The following AJAP1 variants were observed in gnomAD, a reference collection of about 807,000 sequenced individuals.
AJAP1 encodes the protein adherens junction-associated protein 1.
In AJAP1, 5 loss-of-function variants were observed where a neutral mutation model predicts 35.0. That is an observed-to-expected ratio of 0.14 (90% confidence interval 0.07 to 0.30). The LOEUF (loss-of-function observed/expected upper bound fraction) is 0.30, where lower values mean the gene tolerates loss of function less well. Among genes scored for constraint, AJAP1 ranks in the 10% least tolerant of loss-of-function variants. AJAP1 has a pLI of 1.00. For synonymous variants in AJAP1, 284 were observed against 249.3 expected (o/e 1.14, Z -1.31); for missense variants, 586 against 571.0 (o/e 1.03, Z -0.27).
At position 4,655,398 on chromosome 1, in the gene AJAP1, C is replaced by T. The variant is rs201338434; in HGVS notation, c.-28C>T. ...CGCAGATGGCCTGGGCGAGCCAGGT[C>T]TGAGGCCCCGCTCCCCGAAACGTGA... On this transcript the variant is annotated 5_prime_UTR_variant, in exon 1 of 6. Transcript: ENST00000378191. This position sits in a 1 kb window ranked among gnomAD's most constrained non-coding sequence, Gnocchi z 6.9. 5.2e-4 allele frequency: 812 copies of T among 1,553,776 alleles called. 5 individuals are homozygous for T. Among genetic ancestry groups the T allele is most frequent in the South Asian group, 4.7e-3 (406 of 86,270 alleles).
At chr1:4,750,534 G>T (rs1641298846) in intron 2 of AJAP1, among the ~76,000 whole-genome samples, 1 of 152,096 alleles carries the variant, frequency 6.6e-6, no homozygotes, top group Non-Finnish European at 1.5e-5. Context: ...GGATCAGTGG[G>T]TTCTCTAGGA....
rs2100228585 is a variant in AJAP1 at position 4,692,293 on chromosome 1, C to T, written c.30-19607C>T. The stretch of plus-strand genomic sequence containing the variant: ...TGTCAGGGCTTCTCGGGCTCCTCAC[C>T]CCGCGCCCTGGGCTGCTCTCCTCTC... On this transcript the variant is annotated intron_variant, in intron 1 of 5. Coordinates refer to ENST00000378191, the MANE Select transcript of AJAP1 (RefSeq NM_018836.4). The surrounding 1 kb of genome is among the most constrained non-coding windows in gnomAD (Gnocchi z 4.4). Among the ~76,000 whole-genome samples the T allele has an allele frequency of 6.6e-6, 1 of 152,282 alleles. No individual in the cohort carries two copies. The highest frequency in any genetic ancestry group is 2.1e-4 in the South Asian group (1 of 4,830).
chr1:4,755,577 C>T (rs551620774), intron 2 of AJAP1, among the ~76,000 whole-genome samples: 6 of 152,190 alleles, frequency 3.9e-5, no homozygotes, highest in African/African-American at 1.4e-4. Context: ...AGTCTAGTAC[C>T]GGGGGTTTGA....
chr1:4,696,191 T>C (rs1047949074), intron 1 of AJAP1, among the ~76,000 whole-genome samples: 2 of 152,174 alleles, frequency 1.3e-5, no homozygotes, highest in African/African-American at 4.8e-5. Context: ...CAGGCAGTGC[T>C]GGCTCCTGGT....
intron 2 of AJAP1, among the ~76,000 whole-genome samples, chr1:4,753,016 T>A (rs947981500): frequency 4.6e-5 from 7 of 152,192 alleles, no homozygotes; most frequent in Admixed American, 1.3e-4. Context: ...TTGTATGACC[T>A]TCTCTCCATC....
At position 4,712,365 on chromosome 1, in the gene AJAP1, C is replaced by A. The variant is rs1466397515; in HGVS notation, c.495C>A (p.Ser165Arg). The A allele has an allele frequency of 6.6e-7, 1 of 1,525,584 alleles. No individual in the cohort carries two copies. The highest frequency in any genetic ancestry group is 1.3e-5 in the South Asian group (1 of 77,616). 94.5% of individuals were successfully genotyped at this position (1,525,584 alleles called of 1,614,324 possible). The change falls in exon 2 of 6, where the codon AGC (serine) becomes AGA (arginine). Residue 165 changes from serine to arginine, a missense_variant. Physicochemically the swap from Ser to Arg is moderately radical, Grantham distance 110 (BLOSUM62 -1). Coordinates refer to ENST00000378191, the MANE Select transcript of AJAP1 (RefSeq NM_018836.4). ...GKRHLQGDGL[S>R]SFDSRGSRPT... ...GGCACCTGCAGGGGGACGGTCTCAG[C>A]AGCTTCGACTCCAGAGGCAGCCGGC...
At chr1:4,680,031 T>C (rs1639449489) in intron 1 of AJAP1, among the ~76,000 whole-genome samples, 1 of 152,156 alleles carries the variant, frequency 6.6e-6, no homozygotes, top group African/African-American at 2.4e-5. Flanking sequence ...CTGGCAAGCT[T>C]GAGACTCAAG....
chr1:4,792,366 T>G lies in AJAP1; in HGVS notation c.*9881T>G, dbSNP rs1258713829. On this transcript the variant is annotated 3_prime_UTR_variant, in exon 6 of 6. Transcript: ENST00000378191. ...GGGGGGCAGGTGGCTGGGTGTGATT[T>G]CCGTACAGGTGAACTTTTATTCCAG... 6 of 151,938 alleles carry G rather than the reference T, an allele frequency of 3.9e-5. No homozygotes were observed. Among genetic ancestry groups the G allele is most frequent in the African/African-American group, 1.4e-4 (6 of 41,380 alleles). 9.4% of individuals were successfully genotyped at this position (151,938 alleles called of 1,614,324 possible). A position where few individuals can be genotyped will look rare whatever the true frequency, so the allele number is the denominator to read the frequency against.
At chr1:4,657,438 C>G (rs963999785) in intron 1 of AJAP1, among the ~76,000 whole-genome samples, 6 of 152,120 alleles carry the variant, frequency 3.9e-5, no homozygotes, top group Admixed American at 3.9e-4. Context: ...GAGGCCTGTA[C>G]CCAGAGGGTC....
At chr1:4,756,932 C>T (rs991060589) in intron 2 of AJAP1, among the ~76,000 whole-genome samples, 1 of 152,124 alleles carries the variant, frequency 6.6e-6, no homozygotes, top group South Asian at 2.1e-4. Flanking sequence ...GCCCCTAGCC[C>T]TCCCTAGCCT....
chr1:4,700,544 C>G (rs1436878636), intron 1 of AJAP1, among the ~76,000 whole-genome samples: 1 of 152,214 alleles, frequency 6.6e-6, no homozygotes, highest in Non-Finnish European at 1.5e-5. Flanking sequence ...AGCTGACCCC[C>G]AGGGGATGAG....
chr1:4,715,639 C>T (rs756929256), intron 2 of AJAP1, among the ~76,000 whole-genome samples: 10 of 152,138 alleles, frequency 6.6e-5, no homozygotes, highest in Non-Finnish European at 1.5e-4. Flanking sequence ...GAGCCAAGAT[C>T]CTGCCATTGC....
In AJAP1 at chr1:4,791,214, C is replaced by T. The variant is rs1020973632; in HGVS notation, c.*8729C>T. On this transcript the variant is annotated 3_prime_UTR_variant, in exon 6 of 6. Coordinates refer to ENST00000378191, the MANE Select transcript of AJAP1 (RefSeq NM_018836.4). ...CCAGGATCAAGATCAGGTTGCTCCACACATTTGCAGATCAGGAACCCCGGG... is the reference window on the plus strand; with the variant it reads ...CCAGGATCAAGATCAGGTTGCTCCATACATTTGCAGATCAGGAACCCCGGG... 5.9e-5 allele frequency: 9 copies of T among 152,290 alleles called. No individual in the cohort carries two copies. The highest frequency in any genetic ancestry group is 1.3e-4 in the Non-Finnish European group (9 of 68,034). 9.4% of individuals were successfully genotyped at this position (152,290 alleles called of 1,614,324 possible). A position where few individuals can be genotyped will look rare whatever the true frequency, so the allele number is the denominator to read the frequency against.
intron 5 of AJAP1, 111 bp downstream of exon 5, chr1:4,774,669 G>T: frequency 1.6e-6 from 1 of 622,572 alleles, no homozygotes; most frequent in Non-Finnish European, 2.8e-6. Flanking sequence ...ATGGCGGGTG[G>T]ATTTCCAATG....
rs1277420585 is a variant in AJAP1 at position 4,692,127 on chromosome 1, T to G, written c.30-19773T>G. ...GCCGGCCCTGCGTGGATCTATTATC[T>G]CTGCATCGTTGCCGCCTTCTCGAGG... On this transcript the variant is annotated intron_variant, in intron 1 of 5. Coordinates refer to ENST00000378191, the MANE Select transcript of AJAP1 (RefSeq NM_018836.4). The surrounding 1 kb of genome is among the most constrained non-coding windows in gnomAD (Gnocchi z 4.4). Among the ~76,000 whole-genome samples, 1 of 152,088 alleles carries G rather than the reference T, an allele frequency of 6.6e-6. No individual in the cohort carries two copies. The highest frequency in any genetic ancestry group is 2.4e-5 in the African/African-American group (1 of 41,408).
At chr1:4,751,716 G>T (rs924843283) in intron 2 of AJAP1, among the ~76,000 whole-genome samples, 1 of 151,582 alleles carries the variant, frequency 6.6e-6, no homozygotes, top group African/African-American at 2.4e-5. Context: ...TGGCCACACC[G>T]ATGATGGCAG....
chr1:4,731,782 C>A lies in AJAP1; in HGVS notation c.829+19083C>A, dbSNP rs138584779. On this transcript the variant is annotated intron_variant, in intron 2 of 5. Coordinates refer to ENST00000378191, the MANE Select transcript of AJAP1 (RefSeq NM_018836.4). ...GGCCGCCACTGTTTTCTGGCTGTTT[C>A]TGGAGAAAAGTTCAGGCCAAACTCA... Among the ~76,000 whole-genome samples the A allele has an allele frequency of 3.6e-3, 542 of 152,346 alleles. 4 individuals are homozygous for A. Among genetic ancestry groups the A allele is most frequent in the Middle Eastern group, 0.014 (4 of 294 alleles).
chr1:4,740,093 A>G (rs1490445196), intron 2 of AJAP1, among the ~76,000 whole-genome samples: 3 of 152,120 alleles, frequency 2.0e-5, no homozygotes, highest in African/African-American at 4.8e-5. Context: ...TATTTACAAT[A>G]TTCGAAGTCA....
chr1:4,725,300 C>T (rs1258522621), intron 2 of AJAP1, among the ~76,000 whole-genome samples: 1 of 152,174 alleles, frequency 6.6e-6, no homozygotes, highest in Non-Finnish European at 1.5e-5. Flanking sequence ...GCACTCACTT[C>T]CCGTGTGTGG....
Sources: gnomAD v4.1 joint callset for allele counts (sites outside exome capture counted in the v4.1 genomes callset) on GRCh38, gnomAD v4.1.1 for gene constraint, Gnocchi (gnomAD v3.1) non-coding constraint, MANE v1.5 for transcripts, NCBI Gene and HGNC (gene_info 2026-07-23, HGNC 2026-07-21) for gene names.